The following NRCAM variants were observed in gnomAD, a reference collection of about 807,000 sequenced individuals.
The protein encoded by NRCAM is NgCAM-related cell adhesion molecule.
NRCAM carries 83 observed loss-of-function variants against 156.5 expected under a neutral mutation model. The observed-to-expected ratio is 0.53, with a 90% CI of 0.44 to 0.64. The LOEUF (loss-of-function observed/expected upper bound fraction) is 0.64, where lower values mean the gene tolerates loss of function less well. NRCAM is among the 30% of genes least tolerant of loss of function. The pLI, the probability that NRCAM is intolerant of heterozygous loss-of-function variation, is 0.00. For synonymous variants in NRCAM, 538 were observed against 563.9 expected (o/e 0.95, Z 0.65); for missense variants, 1,417 against 1,597.3 (o/e 0.89, Z 1.92).
At chr7:108,315,414 C>T (rs771500954) in intron 2 of NRCAM, among the ~76,000 whole-genome samples, 6 of 152,140 alleles carry the variant, frequency 3.9e-5, no homozygotes, top group African/African-American at 1.2e-4. Flanking sequence ...GTCATCCAGC[C>T]GCTAATTCAG....
chr7:108,293,744 C>T (rs2098385143), intron 3 of NRCAM, among the ~76,000 whole-genome samples: 1 of 152,148 alleles, frequency 6.6e-6, no homozygotes, highest in Non-Finnish European at 1.5e-5. Flanking sequence ...CAAAACTCTG[C>T]AAGATATTAT....
At chr7:108,386,876 T>G (rs1202723326) in intron 2 of NRCAM, among the ~76,000 whole-genome samples, 1 of 152,200 alleles carries the variant, frequency 6.6e-6, no homozygotes, top group Non-Finnish European at 1.5e-5. Context: ...TCTTAAATAC[T>G]CTAGGAAGCA....
At chr7:108,393,678 G>A (rs1226019852) in intron 2 of NRCAM, among the ~76,000 whole-genome samples, 1 of 152,150 alleles carries the variant, frequency 6.6e-6, no homozygotes, top group Non-Finnish European at 1.5e-5. Flanking sequence ...TGTCGCTCAA[G>A]CTGGGAGCTG....
At chr7:108,266,781 G>A (rs2097122641) in intron 3 of NRCAM, among the ~76,000 whole-genome samples, 2 of 152,190 alleles carry the variant, frequency 1.3e-5, no homozygotes, top group Admixed American at 1.3e-4. Flanking sequence ...TTCAGGCTAT[G>A]TTATCCCTAA....
intron 3 of NRCAM, among the ~76,000 whole-genome samples, chr7:108,259,821 C>T (rs1290297753): frequency 6.6e-6 from 1 of 152,102 alleles, no homozygotes; most frequent in Non-Finnish European, 1.5e-5. Flanking sequence ...GGGAGAGGAA[C>T]AACACACACT....
At chr7:108,406,307 T>C (rs1563664237) in intron 1 of NRCAM, among the ~76,000 whole-genome samples, 1 of 152,142 alleles carries the variant, frequency 6.6e-6, no homozygotes, top group Non-Finnish European at 1.5e-5. Flanking sequence ...AGCACATCTG[T>C]AGGCTGACAT....
At chr7:108,329,728 G>A (rs79246757) in intron 2 of NRCAM, among the ~76,000 whole-genome samples, 8 of 152,050 alleles carry the variant, frequency 5.3e-5, no homozygotes, top group Admixed American at 1.3e-4. Flanking sequence ...CCTTCAAAGC[G>A]TATTGTCAGA....
chr7:108,421,593 C>T (rs1480766320), intron 1 of NRCAM, among the ~76,000 whole-genome samples: 1 of 152,024 alleles, frequency 6.6e-6, no homozygotes, highest in East Asian at 1.9e-4. Context: ...CATAAGATTA[C>T]TTGAAGAAAA....
At chr7:108,312,134 A>T (rs1456690126) in intron 3 of NRCAM, among the ~76,000 whole-genome samples, 1 of 152,166 alleles carries the variant, frequency 6.6e-6, no homozygotes, top group Non-Finnish European at 1.5e-5. Context: ...GGAAATAAGA[A>T]ATGGGGAAGG....
At chr7:108,284,268 C>T (rs1228962441) in intron 3 of NRCAM, among the ~76,000 whole-genome samples, 6 of 152,202 alleles carry the variant, frequency 3.9e-5, no homozygotes, top group Non-Finnish European at 7.4e-5. Context: ...AAGTCATCCA[C>T]ACTCCTGTCT....
intron 32 of NRCAM, among the ~76,000 whole-genome samples, chr7:108,153,895 T>G (rs552310508): frequency 6.6e-6 from 1 of 152,024 alleles, no homozygotes; most frequent in South Asian, 2.1e-4. Flanking sequence ...CCGAAGAAAA[T>G]AAAACTTTCA....
intron 3 of NRCAM, among the ~76,000 whole-genome samples, chr7:108,290,609 C>T (rs2098258805): frequency 6.6e-6 from 1 of 152,176 alleles, no homozygotes; most frequent in African/African-American, 2.4e-5. Context: ...ACATTTCCGA[C>T]AGATTTCATG....
intron 1 of NRCAM, among the ~76,000 whole-genome samples, chr7:108,448,889 T>C (rs1236117299): frequency 6.6e-6 from 1 of 152,204 alleles, no homozygotes; most frequent in Non-Finnish European, 1.5e-5. Context: ...CAAAACAATC[T>C]GTGGACAACA....
intron 2 of NRCAM, among the ~76,000 whole-genome samples, chr7:108,318,769 G>A (rs924374436): frequency 6.6e-6 from 1 of 152,156 alleles, no homozygotes; most frequent in African/African-American, 2.4e-5. Context: ...GCGTGGCCCT[G>A]GGAATCCCGG....
chr7:108,341,004 A>C (rs916907211), intron 2 of NRCAM, among the ~76,000 whole-genome samples: 6 of 152,250 alleles, frequency 3.9e-5, no homozygotes, highest in Non-Finnish European at 2.9e-5. Flanking sequence ...TCAGGCAAGC[A>C]GACTTTGGAG....
intron 25 of NRCAM, 22 bp downstream of exon 25, chr7:108,180,201 T>C: frequency 6.2e-7 from 1 of 1,609,342 alleles, no homozygotes; most frequent in Non-Finnish European, 8.5e-7. Context: ...CCTGAGATCT[T>C]AGAGACACGT....
chr7:108,266,217 G>A (rs1386927008), intron 3 of NRCAM, among the ~76,000 whole-genome samples: 1 of 152,216 alleles, frequency 6.6e-6, no homozygotes, highest in East Asian at 1.9e-4. Flanking sequence ...TAACACAGAA[G>A]CCATGTGCTG....
intron 2 of NRCAM, among the ~76,000 whole-genome samples, chr7:108,378,632 A>AACACACACACACAC (rs3077977): frequency 1.7e-5 from 2 of 115,900 alleles, no homozygotes; most frequent in African/African-American, 3.2e-5. Context: ...AGCAGGATTC[A>AACACACACACACAC]ACACACACAC....
At chr7:108,228,059 T>C (rs1334564525) in intron 8 of NRCAM, among the ~76,000 whole-genome samples, 1 of 152,174 alleles carries the variant, frequency 6.6e-6, no homozygotes, top group East Asian at 1.9e-4. Context: ...TGGTGGCTCA[T>C]GTCTGTAATC....
Sources: gnomAD v4.1 joint callset for allele counts (sites outside exome capture counted in the v4.1 genomes callset) on GRCh38, gnomAD v4.1.1 for gene constraint, MANE v1.5 for transcripts, NCBI Gene and HGNC (gene_info 2026-07-23, HGNC 2026-07-21) for gene names.